Variants in KHDRBS2 observed in about 807,000 individuals in gnomAD.
KHDRBS2 encodes the protein KH RNA binding domain containing, signal transduction associated 2.
In KHDRBS2, 26 loss-of-function variants were observed where a neutral mutation model predicts 44.3. The observed-to-expected ratio is 0.59, with a 90% CI of 0.43 to 0.81. The LOEUF (loss-of-function observed/expected upper bound fraction) is 0.81, where lower values mean the gene tolerates loss of function less well. KHDRBS2 is among the 40% of genes least tolerant of loss of function. KHDRBS2 has a pLI of 0.00. For synonymous variants in KHDRBS2, 194 were observed against 151.1 expected (o/e 1.28, Z -2.08); for missense variants, 476 against 433.1 (o/e 1.10, Z -0.88).
At chr6:62,047,234 C>A (rs1184197225) in intron 3 of KHDRBS2, among the ~76,000 whole-genome samples, 1 of 151,960 alleles carries the variant, frequency 6.6e-6, no homozygotes, top group Non-Finnish European at 1.5e-5. Context: ...ATTGTCATTT[C>A]TCCCAAACAC....
chr6:62,207,775 A>T (rs532186923), intron 1 of KHDRBS2, among the ~76,000 whole-genome samples: 8 of 152,270 alleles, frequency 5.3e-5, no homozygotes, highest in African/African-American at 1.7e-4. Flanking sequence ...TGGATTTTTT[A>T]AAAAATAATT....
At chr6:61,691,020 G>C (rs1363222070) in intron 8 of KHDRBS2, among the ~76,000 whole-genome samples, 1 of 152,008 alleles carries the variant, frequency 6.6e-6, no homozygotes, top group Non-Finnish European at 1.5e-5. Flanking sequence ...AGATAATTCT[G>C]ATGGCTAGTT....
the KHDRBS2 span, among the ~76,000 whole-genome samples, chr6:61,638,948 C>T: frequency 6.6e-6 from 1 of 152,108 alleles, no homozygotes; most frequent in Non-Finnish European, 1.5e-5. Context: ...GAAGTTCTCT[C>T]AGCTGCTATA....
chr6:61,648,753 T>G, the KHDRBS2 span, among the ~76,000 whole-genome samples: 1 of 152,156 alleles, frequency 6.6e-6, no homozygotes, highest in African/African-American at 2.4e-5. Flanking sequence ...GAGTAAAATA[T>G]AAATAGAAAT....
chr6:61,597,692 T>A, the KHDRBS2 span, among the ~76,000 whole-genome samples: 1 of 130,056 alleles, frequency 7.7e-6, no homozygotes, highest in African/African-American at 2.8e-5. Context: ...TCTGGGGAGA[T>A]CTTAAGCTTT....
At chr6:62,192,338 A>G (rs1824799613) in intron 1 of KHDRBS2, among the ~76,000 whole-genome samples, 1 of 152,102 alleles carries the variant, frequency 6.6e-6, no homozygotes, top group African/African-American at 2.4e-5. Flanking sequence ...AAGAGGCTTT[A>G]CTGTTGCCAA....
chr6:62,208,123 G>T, intron 1 of KHDRBS2, among the ~76,000 whole-genome samples: 1 of 152,130 alleles, frequency 6.6e-6, no homozygotes, highest in East Asian at 1.9e-4. Context: ...ATAGAAGTGA[G>T]ATCAGGTAAT....
the KHDRBS2 span, among the ~76,000 whole-genome samples, chr6:61,571,772 T>G: frequency 6.6e-6 from 1 of 151,846 alleles, no homozygotes; most frequent in Admixed American, 6.6e-5. Context: ...TCTCAAAATA[T>G]ACAAACACAT....
chr6:61,996,237 T>C (rs1777148363), intron 3 of KHDRBS2, among the ~76,000 whole-genome samples: 1 of 152,150 alleles, frequency 6.6e-6, no homozygotes, highest in Admixed American at 6.5e-5. Flanking sequence ...ACACAGAGTT[T>C]CAAAAAGTAT....
chr6:61,723,578 A>C (rs948429642), intron 7 of KHDRBS2, among the ~76,000 whole-genome samples: 13 of 152,164 alleles, frequency 8.5e-5, no homozygotes, highest in African/African-American at 2.2e-4. Flanking sequence ...AACAAACAAA[A>C]AAACAACAAT....
intron 1 of KHDRBS2, among the ~76,000 whole-genome samples, chr6:62,214,424 C>A (rs746093102): frequency 6.6e-6 from 1 of 151,960 alleles, no homozygotes; most frequent in Non-Finnish European, 1.5e-5. Flanking sequence ...ATAAAATTTC[C>A]TAGAAATAGT....
intron 6 of KHDRBS2, among the ~76,000 whole-genome samples, chr6:61,818,266 T>TAAAAAAAAAAAAAAAA (rs60399147): frequency 1.1e-4 from 13 of 114,476 alleles, no homozygotes; most frequent in African/African-American, 4.1e-4. Context: ...CCTCTGTAAG[T>TAAAAAAAAAAAAAAAA]AAAAAAAAAA....
chr6:61,851,653 G>A lies in KHDRBS2; in HGVS notation c.810+42982C>T, dbSNP rs568470656. On this transcript the variant is annotated intron_variant, in intron 6 of 8. Coordinates refer to ENST00000281156, the MANE Select transcript of KHDRBS2 (RefSeq NM_152688.4). Reference sequence around the variant, plus strand: ...GGCCTTAAAAGAAACCAAATCTGCTGACAACTTAGTCTTGGACTTCTAGCT... The same window carrying A: ...GGCCTTAAAAGAAACCAAATCTGCTAACAACTTAGTCTTGGACTTCTAGCT... Among the ~76,000 whole-genome samples, 145 of 152,242 alleles carry A rather than the reference G, an allele frequency of 9.5e-4. 2 individuals are homozygous for A. The highest frequency in any genetic ancestry group is 3.2e-3 in the African/African-American group (133 of 41,566).
At chr6:61,821,101 G>C (rs1789836091) in intron 6 of KHDRBS2, among the ~76,000 whole-genome samples, 2 of 151,892 alleles carry the variant, frequency 1.3e-5, no homozygotes, top group African/African-American at 4.8e-5. Flanking sequence ...ATAAGATTAA[G>C]CATTATTAGA....
intron 6 of KHDRBS2, among the ~76,000 whole-genome samples, chr6:61,773,417 T>A (rs1198693671): frequency 1.3e-5 from 2 of 151,238 alleles, no homozygotes; most frequent in African/African-American, 4.9e-5. Context: ...TTTCATGTGT[T>A]TTTTTGGCTG....
the KHDRBS2 span, among the ~76,000 whole-genome samples, chr6:61,609,741 C>G: frequency 1.3e-5 from 2 of 152,140 alleles, no homozygotes; most frequent in African/African-American, 4.8e-5. Flanking sequence ...TATAAATAAT[C>G]CTTAAAAGCT....
At chr6:62,024,125 A>G (rs970760160) in intron 3 of KHDRBS2, among the ~76,000 whole-genome samples, 5 of 151,320 alleles carry the variant, frequency 3.3e-5, no homozygotes, top group African/African-American at 7.2e-5. Context: ...AAAATTACCA[A>G]TAGAATTTAT....
the KHDRBS2 span, among the ~76,000 whole-genome samples, chr6:61,665,084 T>A: frequency 6.6e-6 from 1 of 151,576 alleles, no homozygotes; most frequent in Non-Finnish European, 1.5e-5. Flanking sequence ...ACATAAAAAT[T>A]TGTGTTTGGT....
At chr6:61,845,598 G>A (rs1794288020) in intron 6 of KHDRBS2, among the ~76,000 whole-genome samples, 1 of 152,138 alleles carries the variant, frequency 6.6e-6, no homozygotes, top group Admixed American at 6.5e-5. Context: ...GTGAGCCTCT[G>A]CACACGGCCC....
Sources: allele counts gnomAD v4.1 joint callset (sites outside exome capture counted in the v4.1 genomes callset), GRCh38; gene constraint gnomAD v4.1.1; transcripts MANE v1.5; gene names NCBI Gene and HGNC (gene_info 2026-07-23, HGNC 2026-07-21).